Variants in TSPAN11 observed in about 807,000 individuals in gnomAD.
TSPAN11 encodes the protein tetraspanin-11.
In TSPAN11, 29 loss-of-function variants were observed where a neutral mutation model predicts 32.9. The ratio of observed to expected loss-of-function variants is 0.88; its 90% CI spans 0.66 to 1.20. The LOEUF (loss-of-function observed/expected upper bound fraction) is 1.20, where lower values mean the gene tolerates loss of function less well. Ranked by LOEUF, TSPAN11 falls within the 50% of genes most tolerant of loss-of-function variation. The pLI, the probability that TSPAN11 is intolerant of heterozygous loss-of-function variation, is 0.00. For missense variants in TSPAN11, 283 were observed against 329.1 expected (o/e 0.86, Z 1.08); for synonymous variants, 140 against 141.3 (o/e 0.99, Z 0.07).
At chr12:30,952,747 T>A (rs1938406475) in intron 1 of TSPAN11, among the ~76,000 whole-genome samples, 1 of 152,234 alleles carries the variant, frequency 6.6e-6, no homozygotes, top group Non-Finnish European at 1.5e-5. Context: ...CCGGCATGTG[T>A]GTCTTCTCTG....
At chr12:30,950,635 C>G (rs1938363439) in intron 1 of TSPAN11, among the ~76,000 whole-genome samples, 1 of 152,174 alleles carries the variant, frequency 6.6e-6, no homozygotes, top group African/African-American at 2.4e-5. Context: ...GTCTTTCTCT[C>G]ATGTACACTC....
chr12:31,006,521 T>G, the TSPAN11 span, among the ~76,000 whole-genome samples: 1 of 152,404 alleles, frequency 6.6e-6, no homozygotes, highest in East Asian at 1.9e-4. Flanking sequence ...TCTGTTGTAC[T>G]TGTGGTTAAA....
chr12:31,006,902 T>C, the TSPAN11 span, among the ~76,000 whole-genome samples: 1 of 152,244 alleles, frequency 6.6e-6, no homozygotes, highest in Non-Finnish European at 1.5e-5. Flanking sequence ...AGACATCCCA[T>C]TTCTCTGGGG....
rs1642284353 is a variant in TSPAN11 at position 30,996,465 on chromosome 12, A to T, written c.*4550A>T. On this transcript the variant is annotated 3_prime_UTR_variant, in exon 8 of 8. Transcript: ENST00000546076. The stretch of plus-strand genomic sequence containing the variant: ...CATCACAGTATTCTAGAAACAGAGA[A>T]GAGGTCTTAACCTAATGCGCATAGA... 6.6e-6 allele frequency: 1 copy of T among 152,206 alleles called. No homozygotes were observed. Among genetic ancestry groups the T allele is most frequent in the Non-Finnish European group, 1.5e-5 (1 of 68,046 alleles). The allele number at this position is 152,206 out of a possible 1,614,324, so 9.4% of individuals were successfully genotyped here.
chr12:30,926,781 C>A lies in TSPAN11; in HGVS notation c.-27C>A, dbSNP rs994913231. 2 of 349,666 alleles carry A rather than the reference C, an allele frequency of 5.7e-6. No individual in the cohort carries two copies. Among genetic ancestry groups the A allele is most frequent in the Non-Finnish European group, 9.8e-6 (2 of 204,590 alleles). The allele number at this position is 349,666 out of a possible 1,614,324, so 21.7% of individuals were successfully genotyped here. Reference sequence around the variant, plus strand: ...TAGGCGCAGCTCCCTTCGCCGCTTCCGGAGCCCCTGGCAGGGTAAGTGCAG... The same window carrying A: ...TAGGCGCAGCTCCCTTCGCCGCTTCAGGAGCCCCTGGCAGGGTAAGTGCAG... On this transcript the variant is annotated 5_prime_UTR_variant, in exon 1 of 8. Transcript: ENST00000546076.
chr12:30,954,933 T>C (rs1371678680), intron 2 of TSPAN11: 1 of 152,166 alleles, frequency 6.6e-6, no homozygotes. Flanking sequence ...AATCAACCCA[T>C]GATAAGGCAT....
rs1056455148 is a variant in TSPAN11, at chr12:30,992,055, G to C, written c.*140G>C. The C allele has an allele frequency of 1.9e-5, 17 of 886,354 alleles. No homozygotes were observed. The African/African-American group carries it at 2.2e-4, about 11-fold the overall frequency. The allele number at this position is 886,354 out of a possible 1,614,324, so 54.9% of individuals were successfully genotyped here. A position where few individuals can be genotyped will look rare whatever the true frequency, so the allele number is the denominator to read the frequency against. Reference sequence around the variant, plus strand: ...TGTGCCTAGCTCCTGCGAATCCACCGAGTGCCTGAGACCATAGCTTCTGTG... The same window carrying C: ...TGTGCCTAGCTCCTGCGAATCCACCCAGTGCCTGAGACCATAGCTTCTGTG... On this transcript the variant is annotated 3_prime_UTR_variant, in exon 8 of 8. Coordinates refer to ENST00000546076, the MANE Select transcript of TSPAN11 (RefSeq NM_001370302.1).
At chr12:30,987,985 C>A (rs77973780) in intron 7 of TSPAN11, among the ~76,000 whole-genome samples, 9 of 152,370 alleles carry the variant, frequency 5.9e-5, no homozygotes, top group Non-Finnish European at 1.2e-4. Flanking sequence ...AAACTCCCTG[C>A]GGCTGCAGGC....
intron 1 of TSPAN11, among the ~76,000 whole-genome samples, chr12:30,927,287 C>T (rs1226807423): frequency 1.3e-5 from 2 of 152,236 alleles, no homozygotes; most frequent in Non-Finnish European, 2.9e-5. Context: ...CTGGGCACGT[C>T]TGTGTATTTG....
chr12:30,987,444 TAAA>T, intron 7 of TSPAN11, among the ~76,000 whole-genome samples: 1 of 152,082 alleles, frequency 6.6e-6, no homozygotes, highest in South Asian at 2.1e-4. Context: ...CCGTCTCTAC[TAAA>T]AATACAAAAA....
At chr12:30,968,589 C>G (rs1328144717) in intron 3 of TSPAN11, among the ~76,000 whole-genome samples, 1 of 152,166 alleles carries the variant, frequency 6.6e-6, no homozygotes, top group Non-Finnish European at 1.5e-5. Context: ...ATGACCAGAA[C>G]AGAGGCCACC....
In TSPAN11 at chr12:30,959,362, G is replaced by A. The variant is rs115558775; in HGVS notation, c.85-4464G>A. Among the ~76,000 whole-genome samples the A allele has an allele frequency of 3.8e-3, 578 of 152,190 alleles. 2 individuals are homozygous for A. Among genetic ancestry groups the A allele is most frequent in the African/African-American group, 0.013 (536 of 41,508 alleles). On this transcript the variant is annotated intron_variant, in intron 2 of 7. Transcript: ENST00000546076. Reference sequence around the variant, plus strand: ...CTTAGAGGGTGTGTAGGAGTTCAACGGAAGAGAAAGGGCAGAGAGAACAAT... The same window carrying A: ...CTTAGAGGGTGTGTAGGAGTTCAACAGAAGAGAAAGGGCAGAGAGAACAAT...
intron 1 of TSPAN11, among the ~76,000 whole-genome samples, chr12:30,927,829 A>G (rs970177098): frequency 6.6e-6 from 1 of 152,160 alleles, no homozygotes; most frequent in Middle Eastern, 3.2e-3. Flanking sequence ...CCCTGGACAG[A>G]TAGGTCATCT....
At chr12:30,949,474 A>G (rs542255775) in intron 1 of TSPAN11, among the ~76,000 whole-genome samples, 82 of 152,308 alleles carry the variant, frequency 5.4e-4, no homozygotes, top group African/African-American at 1.9e-3. Context: ...AGAAAATGAG[A>G]AAGATGCAAA....
intron 1 of TSPAN11, among the ~76,000 whole-genome samples, chr12:30,942,713 C>T (rs1178862321): frequency 7.6e-6 from 1 of 131,764 alleles, no homozygotes; most frequent in Non-Finnish European, 1.6e-5. Context: ...CAATTTGTTA[C>T]TTGCAAATGA....
chr12:30,939,504 T>C (rs1938116671), intron 1 of TSPAN11, among the ~76,000 whole-genome samples: 2 of 152,208 alleles, frequency 1.3e-5, no homozygotes, highest in Admixed American at 1.3e-4. Context: ...GGCATTTGTT[T>C]ATGTAATGAT....
chr12:30,944,067 A>AC, intron 1 of TSPAN11, among the ~76,000 whole-genome samples: 1 of 151,888 alleles, frequency 6.6e-6, no homozygotes, highest in Non-Finnish European at 1.5e-5. Flanking sequence ...AGTCTAGCTT[A>AC]CCCCCATAGC....
Position 30,996,569 on chromosome 12 carries a change from G to A in TSPAN11, c.*4654G>A, listed in dbSNP as rs1939421434. 1 of 152,208 alleles carries A rather than the reference G, an allele frequency of 6.6e-6. No homozygotes were observed. Among genetic ancestry groups the A allele is most frequent in the Admixed American group, 6.5e-5 (1 of 15,282 alleles). 9.4% of individuals were successfully genotyped at this position (152,208 alleles called of 1,614,324 possible). ...CCCAGCTTCATGTGCTAGGGGGCATGATAATGATAATAAAGGAATTGTATC... is the reference window on the plus strand; with the variant it reads ...CCCAGCTTCATGTGCTAGGGGGCATAATAATGATAATAAAGGAATTGTATC... On this transcript the variant is annotated 3_prime_UTR_variant, in exon 8 of 8. Transcript: ENST00000546076.
At chr12:30,986,373 T>C (rs1298920285) in intron 7 of TSPAN11, among the ~76,000 whole-genome samples, 1 of 152,140 alleles carries the variant, frequency 6.6e-6, no homozygotes, top group Non-Finnish European at 1.5e-5. Flanking sequence ...AGATTGGATA[T>C]TTGTGAGCCT....
Sources: allele counts gnomAD v4.1 joint callset (sites outside exome capture counted in the v4.1 genomes callset), GRCh38; gene constraint gnomAD v4.1.1; transcripts MANE v1.5; gene names NCBI Gene and HGNC (gene_info 2026-07-23, HGNC 2026-07-21).